Variants in TUBGCP5 observed in about 807,000 individuals in gnomAD.
The protein encoded by TUBGCP5 is tubulin gamma complex component 5.
In TUBGCP5, 98 loss-of-function variants were observed where a neutral mutation model predicts 134.7. That is an observed-to-expected ratio of 0.73 (90% confidence interval 0.62 to 0.86). TUBGCP5 has a LOEUF of 0.86. Ranked by LOEUF, TUBGCP5 falls within the 40% of genes least tolerant of loss-of-function variation. The probability of loss-of-function intolerance (pLI) is 0.00; values close to 1 mark genes in which losing one functional copy is unlikely to be tolerated. For synonymous variants in TUBGCP5, 456 were observed against 431.4 expected, an observed-to-expected ratio of 1.06 and a Z score of -0.71; for missense variants, 1,150 against 1,244.8, an observed-to-expected ratio of 0.92 and a Z score of 1.15.
At chr15:23,028,029 C>G (rs1205477374) in intron 6 of TUBGCP5, among the ~76,000 whole-genome samples, 3 of 151,984 alleles carry the variant, frequency 2.0e-5, no homozygotes, top group Admixed American at 6.6e-5. Flanking sequence ...AGAAAGCCAC[C>G]TAACATTTTA....
intron 23 of TUBGCP5, among the ~76,000 whole-genome samples, chr15:22,988,576 T>TA (rs2140340454): frequency 6.7e-6 from 1 of 150,136 alleles, no homozygotes; most frequent in East Asian, 2.0e-4. Context: ...TACTAGAAAA[T>TA]ACAAAAAAAA....
intron 1 of TUBGCP5, among the ~76,000 whole-genome samples, chr15:23,037,619 A>C (rs1260735736): frequency 6.6e-6 from 1 of 152,260 alleles, no homozygotes; most frequent in Non-Finnish European, 1.5e-5. Context: ...AATGTTATTT[A>C]TGAAAGTATT....
Position 23,013,575 on chromosome 15 carries a change from C to T in TUBGCP5, c.1757-2244G>A, listed in dbSNP as rs886582659. On this transcript the variant is annotated intron_variant, in intron 13 of 22. Transcript: ENST00000615383. The surrounding 1 kb of genome is among the most constrained non-coding windows in gnomAD (Gnocchi z 4.5). ...TTCCAGCCTCTGCAGCTTCGCAGAA[C>T]AGGCTGGTCTGGAGTCAAGAAGGAC... Among the ~76,000 whole-genome samples the T allele has an allele frequency of 6.6e-6, 1 of 152,160 alleles. No homozygotes were observed. The highest frequency in any genetic ancestry group is 1.5e-5 in the Non-Finnish European group (1 of 68,026).
intron 4 of TUBGCP5, among the ~76,000 whole-genome samples, chr15:23,032,445 AGTT>A (rs2066364282): frequency 6.6e-6 from 1 of 152,144 alleles, no homozygotes; most frequent in Non-Finnish European, 1.5e-5. Context: ...CTATGTAAAT[AGTT>A]TTTTAAAAGA....
At chr15:23,012,470 G>A (rs2065091848) in intron 13 of TUBGCP5, among the ~76,000 whole-genome samples, 1 of 152,024 alleles carries the variant, frequency 6.6e-6, no homozygotes, top group South Asian at 2.1e-4. Flanking sequence ...GCAGTGGCAT[G>A]ATCTCGGCTC....
At position 23,039,469 on chromosome 15, in the gene TUBGCP5, A is replaced by G. The variant is rs775026316; in HGVS notation, c.75T>C (p.Gly25=). 19 of 1,541,590 alleles carry G rather than the reference A, an allele frequency of 1.2e-5. No individual in the cohort carries two copies. The highest frequency in any genetic ancestry group is 1.7e-5 in the Non-Finnish European group (19 of 1,141,782). Residue 25 remains glycine, a synonymous_variant, in exon 1 of 23, where the codon GGT becomes GGC. Coordinates refer to ENST00000615383, the MANE Select transcript of TUBGCP5 (RefSeq NM_052903.6). ...CTGCCTCGTCCTGGAGGCCGGCGAC[A>G]CCCCGGACGAGCTCCCGCACGTCGC... ...QERDVRELVR[G]VAGLQDEADP...
At chr15:23,015,097 T>G (rs545186813) in intron 13 of TUBGCP5, among the ~76,000 whole-genome samples, 1 of 152,222 alleles carries the variant, frequency 6.6e-6, no homozygotes, top group Admixed American at 6.5e-5. Context: ...GTTTGTTTTT[T>G]GTTTTGGGAC....
Position 23,009,932 on chromosome 15 carries a change from A to G in TUBGCP5, c.2144+13T>C. 6.2e-7 allele frequency: 1 copy of G among 1,604,214 alleles called. No individual in the cohort carries two copies. ...AACTATTTACTACTTCCAAAATTAA[A>G]TTACTCTTTTACCTGTAATCTTTTT... is the stretch of plus-strand genomic sequence containing the variant. On this transcript the variant is annotated intron_variant, in intron 15 of 22. Transcript: ENST00000615383.
At chr15:23,026,047 T>A in intron 8 of TUBGCP5, 69 bp downstream of exon 8, 1 of 1,328,866 alleles carries the variant, frequency 7.5e-7, no homozygotes, top group Non-Finnish European at 1.0e-6. Flanking sequence ...AAAGTTTCCT[T>A]TAATAAAAGT....
chr15:23,002,881 G>T (rs1219728560), intron 21 of TUBGCP5, among the ~76,000 whole-genome samples, 184 bp downstream of exon 21: 1 of 146,378 alleles, frequency 6.8e-6, no homozygotes, highest in Non-Finnish European at 1.5e-5. Context: ...AAAAATACTT[G>T]CACTTTTTTT....
chr15:22,998,328 A>G (rs564033168), downstream of TUBGCP5, among the ~76,000 whole-genome samples: 22 of 152,288 alleles, frequency 1.4e-4, no homozygotes, highest in Non-Finnish European at 2.2e-4. Flanking sequence ...AAAAACAAGG[A>G]AATACCAAAC....
intron 13 of TUBGCP5, among the ~76,000 whole-genome samples, chr15:23,012,271 A>G (rs2065081906): frequency 6.6e-6 from 1 of 152,174 alleles, no homozygotes; most frequent in Non-Finnish European, 1.5e-5. Flanking sequence ...ATAAGAAGGA[A>G]ATATTCCACA....
intron 6 of TUBGCP5, among the ~76,000 whole-genome samples, chr15:23,029,103 T>A (rs187146604): frequency 6.6e-6 from 1 of 152,292 alleles, no homozygotes; most frequent in East Asian, 1.9e-4. Context: ...CAAACTCTAG[T>A]AAAAGATAAA....
chr15:23,001,156 C>A (rs1037168132), intron 21 of TUBGCP5, among the ~76,000 whole-genome samples: 49 of 152,102 alleles, frequency 3.2e-4, no homozygotes, highest in African/African-American at 1.2e-3. Context: ...GATTCTCCTG[C>A]CTCAGCCTCC....
chr15:23,011,538 CTT>C (rs1227662175), intron 13 of TUBGCP5, among the ~76,000 whole-genome samples: 1 of 149,020 alleles, frequency 6.7e-6, no homozygotes, highest in Non-Finnish European at 1.5e-5. Context: ...GAGTTTTGCT[CTT>C]GTTGCCCAGG....
intron 23 of TUBGCP5, among the ~76,000 whole-genome samples, chr15:22,988,510 T>A (rs113338841): frequency 2.0e-5 from 3 of 151,192 alleles, no homozygotes; most frequent in East Asian, 2.0e-4. Flanking sequence ...AAGGCGGGCG[T>A]ATCACGAGGT....
rs1361697228 is a variant in TUBGCP5, at chr15:23,017,778, G to C, written c.1751C>G (p.Ala584Gly). 1 of 1,612,860 alleles carries C rather than the reference G, an allele frequency of 6.2e-7. No individual in the cohort carries two copies. The highest frequency in any genetic ancestry group is 8.5e-7 in the Non-Finnish European group (1 of 1,179,280). Reference protein sequence around the residue: ...CAESTTCQAGARDAERKSLYT... With the variant: ...CAESTTCQAGGRDAERKSLYT... ...CAGGAAGACGGAACAAGTACCTCTG[G>C]CTCCTGCCTGGCAGGTGGTGCTCTC... The change falls in exon 13 of 23, where the codon GCC becomes GGC. Residue 584 changes from alanine to glycine, a missense_variant. Around this residue, in one of 2 missense-constraint regions of TUBGCP5, gnomAD observed 697 missense variants for 850.1 expected, o/e 0.82. Transcript: ENST00000615383.
At position 22,985,118 on chromosome 15, in the gene TUBGCP5, A is replaced by G. The variant is rs1002621698; in HGVS notation, c.*62-1507T>C. 3.9e-5 allele frequency among the ~76,000 whole-genome samples: 6 copies of G among 152,332 alleles called. No individual in the cohort carries two copies. In the South Asian group the frequency reaches 6.2e-4, roughly 16 times the overall value. On this transcript the variant is annotated intron_variant and NMD_transcript_variant, in intron 23 of 23. Coordinates refer to the TUBGCP5 transcript ENST00000614508. ...AAGTCTTTTATAAAATTCAACATATATATCTCCTATGATGGTAATTCTACT... is the reference window on the plus strand; with the variant it reads ...AAGTCTTTTATAAAATTCAACATATGTATCTCCTATGATGGTAATTCTACT...
At position 23,037,122 on chromosome 15, in the gene TUBGCP5, G is replaced by A. The variant is rs1170922847; in HGVS notation, c.177C>T (p.His59=). 1 of 1,612,932 alleles carries A rather than the reference G, an allele frequency of 6.2e-7. No individual in the cohort carries two copies. The change falls in exon 2 of 23, where the codon CAC becomes CAT. Residue 59 remains histidine, a synonymous_variant. Transcript: ENST00000615383. ...ACCCTTCGATTGTTTTTTCTATTTTGTGGCTGTTGACATCCAAGAAACGAT... is the reference window on the plus strand; with the variant it reads ...ACCCTTCGATTGTTTTTTCTATTTTATGGCTGTTGACATCCAAGAAACGAT... ...RFHRFLDVNS[H]KIEKTIEGIY...
Sources: allele counts gnomAD v4.1 joint callset (sites outside exome capture counted in the v4.1 genomes callset), GRCh38; gene constraint gnomAD v4.1.1; regional missense constraint gnomAD v4.1.1; non-coding constraint Gnocchi (gnomAD v3.1); transcripts MANE v1.5; gene names NCBI Gene and HGNC (gene_info 2026-07-23, HGNC 2026-07-21).